The following NIPA1 variants were observed in gnomAD, a reference collection of about 807,000 sequenced individuals.
NIPA1 encodes magnesium transporter NIPA1.
In NIPA1, 13 loss-of-function variants were observed where a neutral mutation model predicts 23.9. The ratio of observed to expected loss-of-function variants is 0.54; its 90% confidence interval spans 0.35 to 0.87. The LOEUF is 0.87. NIPA1 is among the 40% of genes least tolerant of loss of function. The probability of loss-of-function intolerance (pLI) is 0.01; values close to 1 mark genes in which losing one functional copy is unlikely to be tolerated. For missense variants in NIPA1, 362 were observed against 429.7 expected (o/e 0.84, Z 1.39); for synonymous variants, 234 against 202.9 (o/e 1.15, Z -1.30).
rs1377813291 is a variant in NIPA1 at position 22,807,950 on chromosome 15, A to AT, written c.179-2790dup. Among the ~76,000 whole-genome samples, 61 of 150,800 alleles carry AT rather than the reference A, an allele frequency of 4.0e-4. 1 individual carries two copies. The highest frequency in any genetic ancestry group is 1.0e-3 in the African/African-American group (41 of 41,044). On this transcript the variant is annotated intron_variant, in intron 1 of 4. Coordinates refer to ENST00000337435, the MANE Select transcript of NIPA1 (RefSeq NM_144599.5). Reference sequence around the variant, plus strand: ...AGGCGCCCACCACCATGCCCAGCTAATTTTTTTTTGTATTTTTTTTAGTAG... The same window carrying AT: ...AGGCGCCCACCACCATGCCCAGCTAATTTTTTTTTTGTATTTTTTTTAGTAG...
At chr15:22,789,250 A>G (rs1894778756) in intron 1 of NIPA1, among the ~76,000 whole-genome samples, 1 of 152,022 alleles carries the variant, frequency 6.6e-6, no homozygotes. Flanking sequence ...CAGTCTCCCA[A>G]AATGCTGGGA....
intron 1 of NIPA1, among the ~76,000 whole-genome samples, chr15:22,798,922 C>T (rs1196634753): frequency 3.3e-5 from 5 of 150,006 alleles, no homozygotes; most frequent in African/African-American, 1.2e-4. Context: ...TAATGAATCC[C>T]ATGTACATAT....
chr15:22,792,473 C>T (rs983900878), intron 1 of NIPA1, among the ~76,000 whole-genome samples: 1 of 152,110 alleles, frequency 6.6e-6, no homozygotes, highest in Non-Finnish European at 1.5e-5. Flanking sequence ...ATTTTTCTGC[C>T]TCAGCCTCCC....
Position 22,824,401 on chromosome 15 carries a change from C to CA in NIPA1, c.*163dup. 1 of 705,094 alleles carries CA rather than the reference C, an allele frequency of 1.4e-6. No homozygotes were observed. Among genetic ancestry groups the CA allele is most frequent in the Non-Finnish European group, 2.5e-6 (1 of 400,420 alleles). 43.7% of individuals were successfully genotyped at this position (705,094 alleles called of 1,614,324 possible). A position where few individuals can be genotyped will look rare whatever the true frequency, so the allele number is the denominator to read the frequency against. ...CGGGGAGCATGGCTCAGCACCAGAGCAGAGGCCCAGCCAGCCCTCTGCAGC... is the reference window on the plus strand; with the variant it reads ...CGGGGAGCATGGCTCAGCACCAGAGCAAGAGGCCCAGCCAGCCCTCTGCAGC... On this transcript the variant is annotated 3_prime_UTR_variant, in exon 5 of 5. Transcript: ENST00000337435. The surrounding 1 kb of genome is among the most constrained non-coding windows in gnomAD (Gnocchi z 4.1).
chr15:22,817,272 G>A (rs941229384), intron 3 of NIPA1, among the ~76,000 whole-genome samples: 26 of 151,876 alleles, frequency 1.7e-4, no homozygotes, highest in African/African-American at 5.8e-4. Flanking sequence ...GGCTGAGGTG[G>A]GTGGATCACC....
At chr15:22,807,222 A>G (rs1204358843) in intron 1 of NIPA1, among the ~76,000 whole-genome samples, 3 of 152,154 alleles carry the variant, frequency 2.0e-5, no homozygotes, top group Non-Finnish European at 4.4e-5. Flanking sequence ...GACTTTTGAC[A>G]TTTTATAAAC....
At chr15:22,813,658 A>AGT (rs747210600) in intron 3 of NIPA1, 1 of 455,924 alleles carries the variant, frequency 2.2e-6, no homozygotes. Flanking sequence ...CTTGCAGAGA[A>AGT]GTGTGTCCAT....
At chr15:22,787,331 T>G (rs2140842236) in intron 1 of NIPA1, among the ~76,000 whole-genome samples, 1 of 152,266 alleles carries the variant, frequency 6.6e-6, no homozygotes, top group East Asian at 1.9e-4. Flanking sequence ...GAGCAAGACC[T>G]GGGATTTCCA....
intron 3 of NIPA1, 43 bp downstream of exon 3, chr15:22,812,296 A>C: frequency 7.5e-7 from 1 of 1,341,530 alleles, no homozygotes; most frequent in Non-Finnish European, 1.1e-6. Context: ...TGTAGTGTAG[A>C]TATAACAACT....
chr15:22,790,542 G>A (rs1471863215), intron 1 of NIPA1, among the ~76,000 whole-genome samples: 1 of 150,966 alleles, frequency 6.6e-6, no homozygotes, highest in African/African-American at 2.4e-5. Context: ...TCAGCCTCCC[G>A]AGTAGTTGGG....
Position 22,826,872 on chromosome 15 carries a change from C to T in NIPA1, c.*2633C>T, listed in dbSNP as rs1484993593. The T allele has an allele frequency of 6.6e-6, 1 of 152,074 alleles. No homozygotes were observed. Among genetic ancestry groups the T allele is most frequent in the Non-Finnish European group, 1.5e-5 (1 of 68,020 alleles). The allele number at this position is 152,074 out of a possible 1,614,324, so 9.4% of individuals were successfully genotyped here. On this transcript the variant is annotated 3_prime_UTR_variant, in exon 5 of 5. Coordinates refer to ENST00000337435, the MANE Select transcript of NIPA1 (RefSeq NM_144599.5). ...TTTTTCAAGCACGTGACACCAGCCT[C>T]AAAGTAAATGACATGACCAGTGGTT...
chr15:22,800,447 A>G (rs1037265257), intron 1 of NIPA1, among the ~76,000 whole-genome samples: 2 of 152,080 alleles, frequency 1.3e-5, no homozygotes, highest in Non-Finnish European at 2.9e-5. Context: ...ATCAGGATGC[A>G]GTTAAGACCT....
At chr15:22,814,495 C>G (rs1895378091) in intron 3 of NIPA1, among the ~76,000 whole-genome samples, 1 of 152,106 alleles carries the variant, frequency 6.6e-6, no homozygotes. Flanking sequence ...GCCACCACGC[C>G]TGGCCAATAT....
chr15:22,794,449 G>A (rs1007828119), intron 1 of NIPA1, among the ~76,000 whole-genome samples: 3 of 152,124 alleles, frequency 2.0e-5, no homozygotes, highest in African/African-American at 2.4e-5. Flanking sequence ...AGCAATGTCA[G>A]TGTACTTCAC....
At chr15:22,806,483 G>C (rs968339523) in intron 1 of NIPA1, among the ~76,000 whole-genome samples, 1 of 152,216 alleles carries the variant, frequency 6.6e-6, no homozygotes, top group Non-Finnish European at 1.5e-5. Flanking sequence ...ACCTAGGAGT[G>C]GGGGAGGAGA....
At chr15:22,817,131 G>A (rs190575465) in intron 3 of NIPA1, among the ~76,000 whole-genome samples, 7 of 145,896 alleles carry the variant, frequency 4.8e-5, no homozygotes, top group Admixed American at 2.1e-4. Context: ...AGGTTACAGT[G>A]AGCCGAGATT....
intron 1 of NIPA1, among the ~76,000 whole-genome samples, chr15:22,801,807 G>A (rs1002513211): frequency 1.3e-5 from 2 of 152,036 alleles, no homozygotes; most frequent in Non-Finnish European, 2.9e-5. Context: ...GAGCCACTGC[G>A]CCTGGCTGTG....
At chr15:22,820,259 G>A in intron 3 of NIPA1, 54 bp from the exon 4 acceptor site, 2 of 1,251,090 alleles carry the variant, frequency 1.6e-6, no homozygotes, top group South Asian at 2.4e-5. Flanking sequence ...GCTGTTAGAA[G>A]AAAGGTCAGG....
chr15:22,797,115 C>A (rs1894954510), intron 1 of NIPA1, among the ~76,000 whole-genome samples: 2 of 151,812 alleles, frequency 1.3e-5, no homozygotes, highest in South Asian at 4.2e-4. Flanking sequence ...TCTCAGCTCA[C>A]TGCAACTTCC....
Sources: gnomAD v4.1 joint callset for allele counts (sites outside exome capture counted in the v4.1 genomes callset) on GRCh38, gnomAD v4.1.1 for gene constraint, Gnocchi (gnomAD v3.1) non-coding constraint, MANE v1.5 for transcripts, NCBI Gene and HGNC (gene_info 2026-07-23, HGNC 2026-07-21) for gene names.